The following ITGA11 variants were observed in gnomAD, a reference collection of about 807,000 sequenced individuals.
The protein encoded by ITGA11 is integrin alpha-11.
Under a neutral mutation model 141.9 loss-of-function variants are expected in ITGA11, and 97 were observed. That is an observed-to-expected ratio of 0.68 (90% confidence interval 0.58 to 0.81). The LOEUF (loss-of-function observed/expected upper bound fraction) is 0.81, where lower values mean the gene tolerates loss of function less well. ITGA11 is among the 30% of genes least tolerant of loss of function. The pLI is 0.00. For missense variants in ITGA11, 1,387 were observed against 1,559.2 expected (o/e 0.89, Z 1.86); for synonymous variants, 658 against 624.6 (o/e 1.05, Z -0.80).
chr15:68,352,947 T>C (rs1423319992), intron 7 of ITGA11, among the ~76,000 whole-genome samples: 1 of 152,190 alleles, frequency 6.6e-6, no homozygotes, highest in Admixed American at 6.5e-5. Context: ...GGTATAGACA[T>C]GGTCTCACCG....
intron 7 of ITGA11, among the ~76,000 whole-genome samples, chr15:68,351,986 G>C (rs1894925824): frequency 6.6e-6 from 1 of 151,900 alleles, no homozygotes; most frequent in Non-Finnish European, 1.5e-5. Context: ...GGGAGGCTGA[G>C]GCAGGAGAAT....
At chr15:68,381,534 A>G (rs888276342) in intron 2 of ITGA11, among the ~76,000 whole-genome samples, 6 of 150,400 alleles carry the variant, frequency 4.0e-5, no homozygotes, top group African/African-American at 1.5e-4. Flanking sequence ...AATCTTCTCA[A>G]TCCTGAGGCA....
intron 2 of ITGA11, among the ~76,000 whole-genome samples, chr15:68,376,270 C>T (rs11072015): frequency 0.79 from 118,769 of 151,262 alleles, 47,021 homozygotes; most frequent in East Asian, 0.9. Context: ...TGTGCACAGC[C>T]GGGTCTTCTC....
At chr15:68,403,199 T>C (rs933935426) in intron 1 of ITGA11, among the ~76,000 whole-genome samples, 170 bp from the exon 2 acceptor site, 6 of 152,266 alleles carry the variant, frequency 3.9e-5, no homozygotes, top group African/African-American at 1.4e-4. Context: ...GCTGATGTAG[T>C]CCTTGCCTGG....
chr15:68,351,269 A>T lies in ITGA11; in HGVS notation c.883T>A (p.Tyr295Asn), dbSNP rs1347009279. ...QQSERDNVTR[Y>N]AVAVLGYYNR... is the part of the protein sequence containing the mutation. ...GGGCCAGGACTTACGGCCACCGCATATCTTGTTACGTTGTCTCTTTCGCTT... is the reference window on the plus strand; with the variant it reads ...GGGCCAGGACTTACGGCCACCGCATTTCTTGTTACGTTGTCTCTTTCGCTT... The change falls in exon 8 of 30, where the codon TAT becomes AAT. Residue 295 changes from tyrosine (Y) to asparagine (N), a missense_variant. Transcript: ENST00000315757. The T allele has an allele frequency of 9.9e-6, 16 of 1,613,854 alleles. No individual in the cohort carries two copies. Among genetic ancestry groups the T allele is most frequent in the Non-Finnish European group, 1.3e-5 (15 of 1,179,884 alleles).
intron 1 of ITGA11, among the ~76,000 whole-genome samples, chr15:68,413,724 A>T (rs559140071): frequency 1.1e-4 from 16 of 152,320 alleles, no homozygotes; most frequent in Middle Eastern, 3.4e-3. Flanking sequence ...GGCAGACGCC[A>T]GCTGACTTCC....
At chr15:68,331,755 G>T in intron 14 of ITGA11, 104 bp downstream of exon 14, 1 of 994,908 alleles carries the variant, frequency 1.0e-6, no homozygotes, top group Non-Finnish European at 1.5e-6. Flanking sequence ...TCTGTGAGAG[G>T]GCCTGGAAGA....
Position 68,311,002 on chromosome 15 carries a change from G to A in ITGA11, c.3166C>T (p.Pro1056Ser). 1 of 1,601,478 alleles carries A rather than the reference G, an allele frequency of 6.2e-7. No individual in the cohort carries two copies. The highest frequency in any genetic ancestry group is 8.5e-7 in the Non-Finnish European group (1 of 1,173,850). The change falls in exon 26 of 30, where the codon CCA (proline) becomes TCA (serine). Residue 1056 changes from proline (P) to serine (S), a missense_variant. Physicochemically the swap from Pro to Ser is moderately conservative, Grantham distance 74. Transcript: ENST00000315757. The part of the protein sequence containing the change: ...TPVEEDLRRA[P>S]QLNHSNSDVV... ...GTCTGGGGGACACTCACCAGCTGTG[G>A]AGCACGACGCAAGTCTTCCTCCACT...
At chr15:68,382,859 C>T (rs1433556241) in intron 2 of ITGA11, among the ~76,000 whole-genome samples, 1 of 152,182 alleles carries the variant, frequency 6.6e-6, no homozygotes. Flanking sequence ...ATGACAGAAA[C>T]CTTGTCAAGA....
intron 2 of ITGA11, among the ~76,000 whole-genome samples, chr15:68,384,122 G>A (rs978428656): frequency 2.0e-5 from 3 of 152,126 alleles, no homozygotes; most frequent in Non-Finnish European, 4.4e-5. Context: ...CTATGGCCCT[G>A]AGGACTGGCC....
chr15:68,420,054 G>A (rs1277291613), intron 1 of ITGA11, among the ~76,000 whole-genome samples: 2 of 152,156 alleles, frequency 1.3e-5, no homozygotes, highest in African/African-American at 4.8e-5. Context: ...ACAGATTCTG[G>A]CTTGGTGGTT....
chr15:68,365,091 A>C lies in ITGA11; in HGVS notation c.266-293T>G, dbSNP rs1895375997. ...GCCCACAGCTTTTCCTCCTCCAGCC[A>C]TCCGACTGGAGCCCCACTTCCCCGT... On this transcript the variant is annotated intron_variant, in intron 3 of 29. Coordinates refer to ENST00000315757, the MANE Select transcript of ITGA11 (RefSeq NM_001004439.2). 3.2e-6 allele frequency: 3 copies of C among 947,430 alleles called. No homozygotes were observed. The African/African-American group carries it at 5.3e-5, about 17-fold the overall frequency. The allele number at this position is 947,430 out of a possible 1,614,324, so 58.7% of individuals were successfully genotyped here. A position where few individuals can be genotyped will look rare whatever the true frequency, so the allele number is the denominator to read the frequency against.
chr15:68,423,515 G>T (rs923187926), intron 1 of ITGA11, among the ~76,000 whole-genome samples: 1 of 152,172 alleles, frequency 6.6e-6, no homozygotes, highest in African/African-American at 2.4e-5. Context: ...GTGCCCAAAC[G>T]TATGGCTCTG....
At chr15:68,409,127 A>C (rs1343627817) in intron 1 of ITGA11, among the ~76,000 whole-genome samples, 1 of 148,990 alleles carries the variant, frequency 6.7e-6, no homozygotes, top group Non-Finnish European at 1.5e-5. Flanking sequence ...CATGCTGTTC[A>C]CCATGCCTGG....
intron 11 of ITGA11, among the ~76,000 whole-genome samples, chr15:68,338,580 T>C (rs1221446072): frequency 6.6e-6 from 1 of 152,246 alleles, no homozygotes; most frequent in African/African-American, 2.4e-5. Context: ...TGCCCTTTTG[T>C]CAGCTGAGGG....
chr15:68,330,622 T>TAA (rs1169872271), intron 15 of ITGA11, among the ~76,000 whole-genome samples: 3 of 152,050 alleles, frequency 2.0e-5, no homozygotes, highest in Non-Finnish European at 4.4e-5. Context: ...CTGTACTAGA[T>TAA]AAACATTCCT....
At chr15:68,375,278 A>G (rs1462954625) in intron 2 of ITGA11, among the ~76,000 whole-genome samples, 1 of 152,114 alleles carries the variant, frequency 6.6e-6, no homozygotes, top group Non-Finnish European at 1.5e-5. Context: ...CTGAAATCAG[A>G]TAGGGGCATC....
chr15:68,391,325 A>G (rs961781382), intron 2 of ITGA11, among the ~76,000 whole-genome samples: 2 of 152,196 alleles, frequency 1.3e-5, no homozygotes, highest in African/African-American at 2.4e-5. Context: ...CTCTCCCACA[A>G]TGCTCCAGGC....
rs757291043 is a variant in ITGA11 at position 68,332,487 on chromosome 15, C to T, written c.1426-9G>A. The T allele has an allele frequency of 2.1e-5, 34 of 1,611,516 alleles. No homozygotes were observed. Among genetic ancestry groups the T allele is most frequent in the Admixed American group, 1.0e-4 (6 of 59,850 alleles). On this transcript the variant is annotated splice_polypyrimidine_tract_variant and intron_variant, in intron 12 of 29. Coordinates refer to ENST00000315757, the MANE Select transcript of ITGA11 (RefSeq NM_001004439.2). ...CCAAAGTAAGAGCCTATCTGCGGCA[C>T]GTGATGGGAGAGAGGAGTGGGCTGG...
Sources: allele counts gnomAD v4.1 joint callset (sites outside exome capture counted in the v4.1 genomes callset), GRCh38; gene constraint gnomAD v4.1.1; transcripts MANE v1.5; gene names NCBI Gene and HGNC (gene_info 2026-07-23, HGNC 2026-07-21).